GRID2: variants seen among roughly 807,000 people sequenced by gnomAD.
GRID2 encodes the protein glutamate receptor ionotropic, delta-2.
A neutral mutation model predicts 114.8 loss-of-function variants in GRID2; 33 were observed. That is an observed-to-expected ratio of 0.29 (90% CI 0.22 to 0.38). The LOEUF (loss-of-function observed/expected upper bound fraction) is 0.38. Ranked by LOEUF, GRID2 falls within the 10% of genes least tolerant of loss-of-function variation. GRID2 has a pLI of 1.00. For missense variants in GRID2, 1,184 were observed against 1,257.7 expected, an observed-to-expected ratio of 0.94 and a Z score of 0.89; for synonymous variants, 505 against 449.9, an observed-to-expected ratio of 1.12 and a Z score of -1.55.
At chr4:92,525,663 A>G (rs375972957) in intron 1 of GRID2, among the ~76,000 whole-genome samples, 20 of 152,232 alleles carry the variant, frequency 1.3e-4, no homozygotes, top group African/African-American at 4.6e-4. Flanking sequence ...GAATGAGAAT[A>G]AAGAACCATT....
intron 2 of GRID2, among the ~76,000 whole-genome samples, chr4:92,718,470 T>C (rs1217602556): frequency 6.6e-6 from 1 of 152,008 alleles, no homozygotes; most frequent in Non-Finnish European, 1.5e-5. Flanking sequence ...AAAGTATATA[T>C]TTTTAAAAAT....
At chr4:93,108,823 G>T (rs1251398658) in intron 3 of GRID2, among the ~76,000 whole-genome samples, 1 of 151,886 alleles carries the variant, frequency 6.6e-6, no homozygotes, top group Non-Finnish European at 1.5e-5. Flanking sequence ...TAGAGATGGG[G>T]TTTCACCATA....
chr4:93,425,139 T>C (rs2149371819), intron 10 of GRID2, among the ~76,000 whole-genome samples: 1 of 152,314 alleles, frequency 6.6e-6, no homozygotes, highest in Admixed American at 6.5e-5. Flanking sequence ...AATTTCAACA[T>C]CTTATCATCT....
At chr4:93,050,886 C>T (rs1260612738) in intron 2 of GRID2, among the ~76,000 whole-genome samples, 2 of 151,990 alleles carry the variant, frequency 1.3e-5, no homozygotes, top group South Asian at 2.1e-4. Context: ...CTCCAACAGG[C>T]GTTGCAGCAT....
chr4:92,379,269 C>T (rs1729502887), intron 1 of GRID2, among the ~76,000 whole-genome samples: 1 of 151,714 alleles, frequency 6.6e-6, no homozygotes, highest in Non-Finnish European at 1.5e-5. Context: ...TATCTTGCGT[C>T]TTGATGAAGG....
chr4:92,721,387 G>C (rs1340567149), intron 2 of GRID2, among the ~76,000 whole-genome samples: 1 of 151,972 alleles, frequency 6.6e-6, no homozygotes, highest in African/African-American at 2.4e-5. Context: ...ATCATTGGTG[G>C]TATTAACTAC....
intron 8 of GRID2, among the ~76,000 whole-genome samples, chr4:93,265,466 C>T (rs1180321988): frequency 6.6e-6 from 1 of 152,056 alleles, no homozygotes; most frequent in Non-Finnish European, 1.5e-5. Flanking sequence ...AAGGTCATTG[C>T]TGGGTTCTTG....
At chr4:93,140,464 C>T (rs181419948) in intron 4 of GRID2, among the ~76,000 whole-genome samples, 203 of 152,070 alleles carry the variant, frequency 1.3e-3, no homozygotes, top group Non-Finnish European at 2.5e-3. Context: ...GGCTGGAATC[C>T]GTGTCATTTT....
chr4:92,374,798 G>C (rs569751529), intron 1 of GRID2, among the ~76,000 whole-genome samples: 1 of 152,148 alleles, frequency 6.6e-6, no homozygotes, highest in Non-Finnish European at 1.5e-5. Context: ...ATAGAGTCAA[G>C]TGTAGGGAAT....
intron 9 of GRID2, among the ~76,000 whole-genome samples, chr4:93,414,983 A>G (rs890888606): frequency 1.3e-5 from 2 of 152,074 alleles, no homozygotes; most frequent in Non-Finnish European, 2.9e-5. Context: ...CCAATATTTA[A>G]TTAGCTTTAG....
At chr4:93,157,895 T>C (rs930706654) in intron 4 of GRID2, among the ~76,000 whole-genome samples, 3 of 151,770 alleles carry the variant, frequency 2.0e-5, no homozygotes, top group African/African-American at 7.3e-5. Flanking sequence ...TGTTTCATTG[T>C]CCCATCAGAT....
At chr4:93,299,288 G>T (rs182247463) in intron 8 of GRID2, among the ~76,000 whole-genome samples, 1 of 152,108 alleles carries the variant, frequency 6.6e-6, no homozygotes, top group East Asian at 1.9e-4. Flanking sequence ...ACATATAAAT[G>T]CAGTAGAAAG....
chr4:93,295,129 G>T (rs765512100), intron 8 of GRID2, among the ~76,000 whole-genome samples: 1 of 152,128 alleles, frequency 6.6e-6, no homozygotes, highest in Non-Finnish European at 1.5e-5. Flanking sequence ...AGGTGGAGAT[G>T]CAGGCAACTG....
intron 10 of GRID2, among the ~76,000 whole-genome samples, chr4:93,443,504 A>G (rs886756317): frequency 1.3e-5 from 2 of 151,968 alleles, no homozygotes; most frequent in Non-Finnish European, 2.9e-5. Context: ...AAGTTAATCA[A>G]ATTTATCAAG....
At chr4:93,512,055 G>A (rs1729243952) in intron 12 of GRID2, among the ~76,000 whole-genome samples, 1 of 151,942 alleles carries the variant, frequency 6.6e-6, no homozygotes, top group African/African-American at 2.4e-5. Context: ...CCAAAGTGCT[G>A]GGATTACAGG....
At chr4:93,649,114 A>G (rs1343858984) in intron 14 of GRID2, among the ~76,000 whole-genome samples, 1 of 152,140 alleles carries the variant, frequency 6.6e-6, no homozygotes, top group Non-Finnish European at 1.5e-5. Context: ...CAACCATGAT[A>G]TCATCTTCAA....
At chr4:93,323,383 T>A (rs1757456092) in intron 8 of GRID2, among the ~76,000 whole-genome samples, 1 of 152,166 alleles carries the variant, frequency 6.6e-6, no homozygotes, top group Non-Finnish European at 1.5e-5. Context: ...TTCTGAGGGC[T>A]CTGTTCTGTT....
At chr4:93,797,625 C>A (rs1734829678) in intron 1 of GRID2, among the ~76,000 whole-genome samples, 1 of 151,932 alleles carries the variant, frequency 6.6e-6, no homozygotes. Flanking sequence ...AGCATTTTTC[C>A]CTCCTTTCCT....
chr4:92,876,166 G>T (rs1012625784), intron 2 of GRID2, among the ~76,000 whole-genome samples: 2 of 151,536 alleles, frequency 1.3e-5, no homozygotes, highest in Non-Finnish European at 2.9e-5. Context: ...GTAATGTTTA[G>T]AAATGTCACC....
Sources: allele counts gnomAD v4.1 joint callset (sites outside exome capture counted in the v4.1 genomes callset), GRCh38; gene constraint gnomAD v4.1.1; transcripts MANE v1.5; gene names NCBI Gene and HGNC (gene_info 2026-07-23, HGNC 2026-07-21).